CSMD1: variants seen among roughly 807,000 people sequenced by gnomAD.
The protein encoded by CSMD1 is CUB and Sushi multiple domains 1.
A neutral mutation model predicts 417.5 loss-of-function variants in CSMD1; 213 were observed. That is an observed-to-expected ratio of 0.51 (90% CI 0.46 to 0.57). The LOEUF (loss-of-function observed/expected upper bound fraction) is 0.57, where lower values mean the gene tolerates loss of function less well. Ranked by LOEUF, CSMD1 falls within the 20% of genes least tolerant of loss-of-function variation. CSMD1 has a pLI of 0.00. For missense variants in CSMD1, 6,923 were observed against 4,529.7 expected (o/e 1.53, Z -15.17); for synonymous variants, 2,862 against 1,736.8 (o/e 1.65, Z -16.11).
intron 3 of CSMD1, among the ~76,000 whole-genome samples, chr8:4,344,268 C>A (rs945645689): frequency 1.3e-5 from 2 of 152,124 alleles, no homozygotes; most frequent in African/African-American, 2.4e-5. Flanking sequence ...CGTGTTCATT[C>A]AATTGTTCAT....
At chr8:4,428,665 C>G (rs758993792) in intron 2 of CSMD1, among the ~76,000 whole-genome samples, 1 of 151,992 alleles carries the variant, frequency 6.6e-6, no homozygotes, top group African/African-American at 2.4e-5. Flanking sequence ...ATTAAAATAG[C>G]TGATAATGTC....
intron 3 of CSMD1, among the ~76,000 whole-genome samples, chr8:4,247,149 T>C (rs983624821): frequency 8.5e-5 from 13 of 152,230 alleles, no homozygotes; most frequent in Non-Finnish European, 1.8e-4. Flanking sequence ...TCAATATTGC[T>C]TTCTTTTCCG....
intron 3 of CSMD1, among the ~76,000 whole-genome samples, chr8:4,134,618 C>T (rs116741553): frequency 0.03 from 4,552 of 152,260 alleles, 225 homozygotes; most frequent in African/African-American, 0.1. Flanking sequence ...TACACACGTG[C>T]TACCTGATTC....
At chr8:3,849,075 C>G (rs1003480741) in intron 5 of CSMD1, among the ~76,000 whole-genome samples, 2 of 151,942 alleles carry the variant, frequency 1.3e-5, no homozygotes, top group Non-Finnish European at 2.9e-5. Flanking sequence ...ATACAAGATT[C>G]CATTTAACAG....
At chr8:4,653,230 CT>C (rs1000825965) in intron 1 of CSMD1, among the ~76,000 whole-genome samples, 2 of 152,102 alleles carry the variant, frequency 1.3e-5, no homozygotes, top group Non-Finnish European at 2.9e-5. Flanking sequence ...GACTTTTCAT[CT>C]ATACAAATCG....
chr8:3,237,156 G>C (rs1034906966), intron 26 of CSMD1, among the ~76,000 whole-genome samples: 17 of 151,672 alleles, frequency 1.1e-4, no homozygotes, highest in African/African-American at 4.1e-4. Context: ...CTAGATAAGA[G>C]AGATATATAT....
At chr8:3,925,337 T>C (rs1207679887) in intron 5 of CSMD1, among the ~76,000 whole-genome samples, 2 of 152,250 alleles carry the variant, frequency 1.3e-5, no homozygotes. Context: ...ATATATTATA[T>C]GCTATCCTAT....
chr8:3,022,411 T>C (rs1010453872), intron 51 of CSMD1, among the ~76,000 whole-genome samples: 1 of 152,106 alleles, frequency 6.6e-6, no homozygotes, highest in African/African-American at 2.4e-5. Flanking sequence ...GCACGTGCAA[T>C]CCCACATCGA....
chr8:4,316,646 C>T (rs972659037), intron 3 of CSMD1, among the ~76,000 whole-genome samples: 1 of 151,990 alleles, frequency 6.6e-6, no homozygotes, highest in Non-Finnish European at 1.5e-5. Context: ...CAATGGGGTA[C>T]ACTGTGTCAA....
At chr8:3,982,298 G>A (rs943542599) in intron 5 of CSMD1, among the ~76,000 whole-genome samples, 7 of 151,678 alleles carry the variant, frequency 4.6e-5, no homozygotes, top group Non-Finnish European at 7.4e-5. Flanking sequence ...TGAGTTGTGT[G>A]ATACAGCATA....
At position 3,309,190 on chromosome 8, in the gene CSMD1, G is replaced by A. The variant is rs552549761; in HGVS notation, c.3632-687C>T. Among the ~76,000 whole-genome samples, 17 of 152,270 alleles carry A rather than the reference G, an allele frequency of 1.1e-4. No individual in the cohort carries two copies. In the South Asian group the frequency reaches 3.5e-3, roughly 32 times the overall value. On this transcript the variant is annotated intron_variant, in intron 23 of 69. Transcript: ENST00000635120. ...TCACAACCTAGACCTCCAAGGAAGA[G>A]GGGCCACCTATCGGCACTGCCAGGG...
chr8:4,806,764 G>C (rs1281733566), intron 1 of CSMD1, among the ~76,000 whole-genome samples: 1 of 152,066 alleles, frequency 6.6e-6, no homozygotes, highest in Non-Finnish European at 1.5e-5. Context: ...CCACCCATTT[G>C]ATCACAAAAA....
At chr8:4,356,140 T>C (rs1358636466) in intron 3 of CSMD1, among the ~76,000 whole-genome samples, 1 of 152,174 alleles carries the variant, frequency 6.6e-6, no homozygotes, top group African/African-American at 2.4e-5. Flanking sequence ...CAAAGTCCAT[T>C]GTATCTTTCT....
chr8:3,436,722 G>T lies in CSMD1; in HGVS notation c.1562-27117C>A, dbSNP rs769678759. Among the ~76,000 whole-genome samples, 20 of 152,110 alleles carry T rather than the reference G, an allele frequency of 1.3e-4. 1 individual carries two copies. The highest frequency in any genetic ancestry group is 3.3e-4 in the Admixed American group (5 of 15,274). On this transcript the variant is annotated intron_variant, in intron 12 of 69. Coordinates refer to ENST00000635120, the MANE Select transcript of CSMD1 (RefSeq NM_033225.6). ...AGAAACGCTTTCTGAGTAAAAGGCA[G>T]TCTTTTCAACACATTGGCAATGAGC...
At position 4,446,993 on chromosome 8, in the gene CSMD1, G is replaced by C. The variant is rs1004845707; in HGVS notation, c.303-26928C>G. 2.6e-5 allele frequency among the ~76,000 whole-genome samples: 4 copies of C among 151,878 alleles called. No individual in the cohort carries two copies. In the East Asian group the frequency reaches 7.7e-4, roughly 29 times the overall value. ...CAGCAGGAGATGACTGGGTGGAGTG[G>C]TAAGAAACTGTTGCATGGAAGGGAT... On this transcript the variant is annotated intron_variant, in intron 2 of 69. Transcript: ENST00000635120.
In CSMD1 at chr8:4,024,309, TA is replaced by T. The variant is rs1247138671; in HGVS notation, c.610+7595del. 2.0e-5 allele frequency among the ~76,000 whole-genome samples: 3 copies of T among 152,286 alleles called. No homozygotes were observed. The East Asian group carries it at 5.8e-4, about 29-fold the overall frequency. On this transcript the variant is annotated intron_variant, in intron 4 of 69. Transcript: ENST00000635120. The stretch of plus-strand genomic sequence containing the variant: ...TGAAGAATAATGTAAACAAATTACA[TA>T]AAAGACAATAATGACAGAAAACCAG...
At chr8:4,097,118 G>A (rs542577137) in intron 3 of CSMD1, among the ~76,000 whole-genome samples, 31 of 151,988 alleles carry the variant, frequency 2.0e-4, no homozygotes, top group African/African-American at 5.3e-4. Context: ...TCCCCTCTCT[G>A]CACTCTGAGC....
chr8:3,041,476 T>G lies in CSMD1; in HGVS notation c.7660+10986A>C, dbSNP rs567396646. 6.1e-3 allele frequency among the ~76,000 whole-genome samples: 932 copies of G among 152,350 alleles called. 9 individuals are homozygous for G. Among genetic ancestry groups the G allele is most frequent in the African/African-American group, 0.019 (797 of 41,576 alleles). On this transcript the variant is annotated intron_variant, in intron 50 of 69. Coordinates refer to ENST00000635120, the MANE Select transcript of CSMD1 (RefSeq NM_033225.6). ...TTTTTCTAGCAACATTTAAATTTTT[T>G]CTAGGCGTAATATTATCCATAGCAT...
intron 22 of CSMD1, among the ~76,000 whole-genome samples, chr8:3,346,055 C>T (rs1807968942): frequency 6.6e-6 from 1 of 152,126 alleles, no homozygotes; most frequent in Non-Finnish European, 1.5e-5. Flanking sequence ...TCAATGTGAA[C>T]AGCATTAGGC....
Sources: gnomAD v4.1 joint callset for allele counts (sites outside exome capture counted in the v4.1 genomes callset) on GRCh38, gnomAD v4.1.1 for gene constraint, MANE v1.5 for transcripts, NCBI Gene and HGNC (gene_info 2026-07-23, HGNC 2026-07-21) for gene names.